TENM3: variants seen among roughly 807,000 people sequenced by gnomAD.
TENM3 encodes teneurin transmembrane protein 3, also known as teneurin-3.
A neutral mutation model predicts 255.1 loss-of-function variants in TENM3; 63 were observed. The observed-to-expected ratio is 0.25, with a 90% CI of 0.20 to 0.30. The LOEUF is 0.30. TENM3 is among the 10% of genes least tolerant of loss of function. The probability of loss-of-function intolerance (pLI) is 1.00; values close to 1 mark genes in which losing one functional copy is unlikely to be tolerated. For synonymous variants in TENM3, 1,306 were observed against 1,322.3 expected (o/e 0.99, Z 0.27); for missense variants, 2,929 against 3,461.1 (o/e 0.85, Z 3.86).
the TENM3 span, among the ~76,000 whole-genome samples, chr4:182,100,525 A>G: frequency 6.8e-6 from 1 of 146,178 alleles, no homozygotes; most frequent in Non-Finnish European, 1.5e-5. Flanking sequence ...ACACACATAT[A>G]TATACACACA....
At chr4:181,892,167 T>G in the TENM3 span, among the ~76,000 whole-genome samples, 1 of 152,174 alleles carries the variant, frequency 6.6e-6, no homozygotes, top group African/African-American at 2.4e-5. Context: ...CAACACAGAC[T>G]AAGACACTTC....
the TENM3 span, among the ~76,000 whole-genome samples, chr4:181,979,678 C>G: frequency 6.6e-6 from 1 of 151,984 alleles, no homozygotes; most frequent in African/African-American, 2.4e-5. Flanking sequence ...TGATGCTCAG[C>G]CCCTTGTCCA....
At position 182,303,842 on chromosome 4, in the gene TENM3, C is replaced by T. The variant is rs562243483; in HGVS notation, c.-75-20104C>T. 5.9e-5 allele frequency among the ~76,000 whole-genome samples: 9 copies of T among 152,206 alleles called. No individual in the cohort carries two copies. In the South Asian group the frequency reaches 1.0e-3, roughly 18 times the overall value. On this transcript the variant is annotated intron_variant, in intron 1 of 27. Transcript: ENST00000511685. ...GACAACTTTCTAGGCACCACATGGC[C>T]GTAGGATCCTCAGATTAATTGTATG...
intron 2 of TENM3, 114 bp downstream of exon 2, chr4:182,324,366 G>A (rs1763260352): frequency 1.3e-6 from 1 of 773,454 alleles, no homozygotes. Flanking sequence ...TCCATCTGCT[G>A]ATTCTGATTT....
intron 22 of TENM3, among the ~76,000 whole-genome samples, chr4:182,758,003 T>C (rs11947349): frequency 2.9e-4 from 44 of 152,206 alleles, no homozygotes; most frequent in African/African-American, 8.4e-4. Context: ...TAAAAGAATA[T>C]CATAGTTTAA....
the TENM3 span, among the ~76,000 whole-genome samples, chr4:181,481,613 A>C: frequency 6.6e-6 from 1 of 152,116 alleles, no homozygotes; most frequent in Non-Finnish European, 1.5e-5. Context: ...ACTAGAGTAA[A>C]ACCACGTAAA....
chr4:181,467,119 ATATATATTTTT>A, the TENM3 span, among the ~76,000 whole-genome samples: 8 of 56,328 alleles, frequency 1.4e-4, no homozygotes, highest in African/African-American at 8.4e-4. Flanking sequence ...ATATATATAT[ATATATATTTTT>A]TTTTTTTTTT....
chr4:182,495,175 A>G (rs1399192301), intron 3 of TENM3, among the ~76,000 whole-genome samples: 1 of 152,208 alleles, frequency 6.6e-6, no homozygotes, highest in Non-Finnish European at 1.5e-5. Context: ...GAGCTCTCTG[A>G]TGATACCCCT....
At chr4:182,475,544 C>T (rs925511098) in intron 3 of TENM3, among the ~76,000 whole-genome samples, 1 of 151,930 alleles carries the variant, frequency 6.6e-6, no homozygotes, top group South Asian at 2.1e-4. Context: ...GACTGAAATG[C>T]CATAATACTA....
chr4:182,786,752 G>A (rs1295523344), intron 24 of TENM3, among the ~76,000 whole-genome samples: 1 of 152,048 alleles, frequency 6.6e-6, no homozygotes, highest in African/African-American at 2.4e-5. Context: ...CAAGGAAAAT[G>A]CAAACACATG....
At chr4:182,664,152 T>C (rs28753071) in intron 6 of TENM3, among the ~76,000 whole-genome samples, 53,783 of 152,128 alleles carry the variant, frequency 0.35, 9,666 homozygotes, top group South Asian at 0.47. Flanking sequence ...TGAATGTTTG[T>C]GGCAGCCCTG....
At chr4:182,138,731 T>C in the TENM3 span, among the ~76,000 whole-genome samples, 2 of 152,236 alleles carry the variant, frequency 1.3e-5, no homozygotes, top group African/African-American at 2.4e-5. Flanking sequence ...ACAATTTGTT[T>C]CCAAATTTCG....
the TENM3 span, among the ~76,000 whole-genome samples, chr4:181,831,002 A>G: frequency 6.6e-6 from 1 of 152,210 alleles, no homozygotes; most frequent in African/African-American, 2.4e-5. Flanking sequence ...TCATCAAAGT[A>G]AAAATAATCT....
chr4:182,034,178 A>T, the TENM3 span, among the ~76,000 whole-genome samples: 1 of 152,180 alleles, frequency 6.6e-6, no homozygotes, highest in South Asian at 2.1e-4. Flanking sequence ...CAAGAACAGC[A>T]TGGGGGAGGC....
At chr4:182,208,883 A>G (rs1275268754) in intron 1 of TENM3, among the ~76,000 whole-genome samples, 2 of 151,772 alleles carry the variant, frequency 1.3e-5, no homozygotes, top group Non-Finnish European at 2.9e-5. Flanking sequence ...TATATTTCCT[A>G]TCTTTTGGAA....
the TENM3 span, among the ~76,000 whole-genome samples, chr4:181,762,857 G>T: frequency 6.6e-6 from 1 of 151,946 alleles, no homozygotes; most frequent in Non-Finnish European, 1.5e-5. Flanking sequence ...TTGAATTAAA[G>T]TAGGAAAGCT....
chr4:182,299,594 G>T (rs1478686204), intron 1 of TENM3, among the ~76,000 whole-genome samples: 2 of 152,332 alleles, frequency 1.3e-5, no homozygotes, highest in Non-Finnish European at 2.9e-5. Flanking sequence ...CTGTCTTTGA[G>T]AAATCTCTAA....
chr4:182,697,130 G>A (rs1291898138), intron 12 of TENM3, among the ~76,000 whole-genome samples: 1 of 152,166 alleles, frequency 6.6e-6, no homozygotes, highest in Non-Finnish European at 1.5e-5. Flanking sequence ...TGTTGTTGTT[G>A]TTGCTGGTCG....
At chr4:182,023,453 G>C in the TENM3 span, among the ~76,000 whole-genome samples, 1 of 152,072 alleles carries the variant, frequency 6.6e-6, no homozygotes, top group Admixed American at 6.5e-5. Context: ...TCTCCTCCTG[G>C]AACAGACAAA....
Sources: allele counts gnomAD v4.1 joint callset (sites outside exome capture counted in the v4.1 genomes callset), GRCh38; gene constraint gnomAD v4.1.1; transcripts MANE v1.5; gene names NCBI Gene and HGNC (gene_info 2026-07-23, HGNC 2026-07-21).